Variants in TRERF1 observed in about 807,000 individuals in gnomAD.
The protein encoded by TRERF1 is transcriptional-regulating factor 1.
TRERF1 carries 27 observed loss-of-function variants against 122.9 expected under a neutral mutation model. The observed-to-expected ratio is 0.22, with a 90% CI of 0.16 to 0.30. The LOEUF is 0.30. Among genes scored for constraint, TRERF1 ranks in the 10% least tolerant of loss-of-function variants. TRERF1 has a pLI of 1.00. For synonymous variants in TRERF1, 636 were observed against 641.7 expected (o/e 0.99, Z 0.13); for missense variants, 1,248 against 1,560.3 (o/e 0.80, Z 3.37).
chr6:42,435,190 T>C (rs1402179036), intron 2 of TRERF1, among the ~76,000 whole-genome samples: 1 of 151,694 alleles, frequency 6.6e-6, no homozygotes, highest in Admixed American at 6.6e-5. Flanking sequence ...AAATGTCTTC[T>C]GGGGTTTCAT....
At chr6:42,339,518 A>AAG (rs1766840517) in intron 3 of TRERF1, among the ~76,000 whole-genome samples, 1 of 152,208 alleles carries the variant, frequency 6.6e-6, no homozygotes, top group Admixed American at 6.5e-5. Flanking sequence ...ATAGCTACGA[A>AAG]TTGTACCCAA....
In TRERF1 at chr6:42,443,613, T is replaced by C. The variant is rs140770452; in HGVS notation, c.-454+7564A>G. 2.2e-4 allele frequency among the ~76,000 whole-genome samples: 33 copies of C among 152,324 alleles called. No individual in the cohort carries two copies. The East Asian group carries it at 4.8e-3, about 22-fold the overall frequency. ...CTTTGTGGAGCAAACCAAGTTTATT[T>C]GGCCCTTTGGGTGGGCAGGTCCCAG... On this transcript the variant is annotated intron_variant, in intron 2 of 17. Coordinates refer to ENST00000372922, the Ensembl canonical transcript of TRERF1.
At chr6:42,360,334 A>C (rs1465066399) in intron 3 of TRERF1, among the ~76,000 whole-genome samples, 1 of 152,236 alleles carries the variant, frequency 6.6e-6, no homozygotes, top group South Asian at 2.1e-4. Context: ...CTGGCTATTA[A>C]AAGGTTGAAT....
chr6:42,254,608 C>T (rs534374713), intron 13 of TRERF1, among the ~76,000 whole-genome samples: 82 of 152,276 alleles, frequency 5.4e-4, no homozygotes, highest in African/African-American at 1.9e-3. Flanking sequence ...CCTTGCCACA[C>T]GTGCAGGCAC....
intron 4 of TRERF1, among the ~76,000 whole-genome samples, chr6:42,274,838 T>A (rs1780879816): frequency 6.6e-6 from 1 of 152,192 alleles, no homozygotes; most frequent in African/African-American, 2.4e-5. Context: ...TGGTTCAAAA[T>A]TCAAAAGGTT....
chr6:42,428,027 G>A (rs910292376), intron 2 of TRERF1, among the ~76,000 whole-genome samples: 1 of 152,150 alleles, frequency 6.6e-6, no homozygotes, highest in Non-Finnish European at 1.5e-5. Flanking sequence ...GCTGGTAAGA[G>A]CTTGGCATGA....
intron 4 of TRERF1, among the ~76,000 whole-genome samples, chr6:42,299,094 A>ATCTATCTATCTATCTATCTATCTATCTG (rs1323308910): frequency 4.2e-5 from 6 of 143,054 alleles, no homozygotes; most frequent in African/African-American, 1.5e-4. Context: ...CTATCTATCT[A>ATCTATCTATCTATCTATCTATCTATCTG]TCTGTCTGTC....
At chr6:42,383,769 C>T (rs1176244436) in intron 2 of TRERF1, among the ~76,000 whole-genome samples, 1 of 152,066 alleles carries the variant, frequency 6.6e-6, no homozygotes, top group African/African-American at 2.4e-5. Context: ...GATACCAAAT[C>T]TAAAAGACTT....
rs1779661712 is a variant in TRERF1 at position 42,268,628 on chromosome 6, C to T, written c.963G>A (p.Met321Ile). Reference sequence around the variant, plus strand: ...GGGGCTGATAATACTGAGGTATCTGCATTGAACCCTGCCGCTGCTGCAGCT... The same window carrying T: ...GGGGCTGATAATACTGAGGTATCTGTATTGAACCCTGCCGCTGCTGCAGCT... The change falls in exon 5 of 18, where the codon ATG becomes ATA. Residue 321 changes from methionine to isoleucine, a missense_variant. Met to Ile is a conservative substitution (Grantham distance 10). Coordinates refer to ENST00000372922, the Ensembl canonical transcript of TRERF1. This position sits in a 1 kb window ranked among gnomAD's most constrained non-coding sequence, Gnocchi z 4.4. The T allele has an allele frequency of 3.7e-6, 6 of 1,614,146 alleles. No homozygotes were observed. In the East Asian group the frequency reaches 1.3e-4, roughly 36 times the overall value.
chr6:42,433,794 G>A (rs918865627), intron 2 of TRERF1, among the ~76,000 whole-genome samples: 25 of 152,110 alleles, frequency 1.6e-4, no homozygotes, highest in African/African-American at 6.0e-4. Context: ...AAGGCAGGAG[G>A]ATCACTTGAG....
chr6:42,262,434 CAGAGAGAGAGAGAG>C (rs71778190), intron 8 of TRERF1, among the ~76,000 whole-genome samples: 2 of 22,522 alleles, frequency 8.9e-5, no homozygotes, highest in Non-Finnish European at 1.7e-4. Context: ...TCCCTAGGGG[CAGAGAGAGAGAGAG>C]AGAGAGAGAG....
chr6:42,386,850 C>T (rs1776899079), intron 2 of TRERF1, among the ~76,000 whole-genome samples: 1 of 152,178 alleles, frequency 6.6e-6, no homozygotes, highest in African/African-American at 2.4e-5. Flanking sequence ...GCTCTTAGGT[C>T]AAGATTTCAC....
At position 42,276,973 on chromosome 6, in the gene TRERF1, T is replaced by C. The variant is rs1051061972; in HGVS notation, c.-258-7125A>G. Among the ~76,000 whole-genome samples the C allele has an allele frequency of 1.1e-4, 16 of 152,076 alleles. No individual in the cohort carries two copies. Among genetic ancestry groups the C allele is most frequent in the Non-Finnish European group, 1.9e-4 (13 of 68,012 alleles). On this transcript the variant is annotated intron_variant, in intron 4 of 17. Transcript: ENST00000372922. This position sits in a 1 kb window ranked among gnomAD's most constrained non-coding sequence, Gnocchi z 4.3. ...CTGCAGGTGGCTCCTCATTAGGAAATAGAGATTGGACCGATTTCACTTTTT... is the reference window on the plus strand; with the variant it reads ...CTGCAGGTGGCTCCTCATTAGGAAACAGAGATTGGACCGATTTCACTTTTT...
In TRERF1 at chr6:42,253,237, C is replaced by G. The variant is rs531416653; in HGVS notation, c.2656+1614G>C. On this transcript the variant is annotated intron_variant, in intron 13 of 17. Transcript: ENST00000372922. ...TACACTTGGAAGAACCAGAGGAGAG[C>G]TGTATCCCAGATGACGCTGCTCACA... Among the ~76,000 whole-genome samples, 10 of 152,268 alleles carry G rather than the reference C, an allele frequency of 6.6e-5. 1 individual carries two copies. The South Asian group carries it at 1.9e-3, about 28-fold the overall frequency.
chr6:42,310,743 C>A (rs930920337), intron 3 of TRERF1, among the ~76,000 whole-genome samples: 1 of 152,148 alleles, frequency 6.6e-6, no homozygotes, highest in Non-Finnish European at 1.5e-5. Flanking sequence ...AGAGTACCCA[C>A]CCCCAACCAT....
intron 3 of TRERF1, among the ~76,000 whole-genome samples, chr6:42,356,326 G>A (rs1770536961): frequency 6.6e-6 from 1 of 152,212 alleles, no homozygotes; most frequent in African/African-American, 2.4e-5. Context: ...TCGGAGATGA[G>A]GTCTTTGAGA....
intron 2 of TRERF1, among the ~76,000 whole-genome samples, chr6:42,443,960 G>A (rs1787001985): frequency 6.6e-6 from 1 of 152,104 alleles, no homozygotes; most frequent in Non-Finnish European, 1.5e-5. Context: ...AACTTGAAGA[G>A]GAGAGGTGAA....
chr6:42,420,132 C>T (rs2151547519), intron 2 of TRERF1, among the ~76,000 whole-genome samples: 1 of 152,284 alleles, frequency 6.6e-6, no homozygotes, highest in South Asian at 2.1e-4. Context: ...TTCTGCTATC[C>T]ATGAGATGGG....
intron 3 of TRERF1, among the ~76,000 whole-genome samples, chr6:42,325,593 G>T (rs924713300): frequency 6.6e-6 from 1 of 152,204 alleles, no homozygotes; most frequent in East Asian, 1.9e-4. Context: ...AATGAAATTG[G>T]TTGGGTGTGG....
Sources: gnomAD v4.1 joint callset for allele counts (sites outside exome capture counted in the v4.1 genomes callset) on GRCh38, gnomAD v4.1.1 for gene constraint, Gnocchi (gnomAD v3.1) non-coding constraint, MANE v1.5 for transcripts, NCBI Gene and HGNC (gene_info 2026-07-23, HGNC 2026-07-21) for gene names.